The following CDH17 variants were observed in gnomAD, a reference collection of about 807,000 sequenced individuals.
CDH17 encodes the protein cadherin 17.
Under a neutral mutation model 86.3 loss-of-function variants are expected in CDH17, and 67 were observed. The observed-to-expected ratio is 0.78, with a 90% CI of 0.64 to 0.95. The LOEUF is 0.95. Ranked by LOEUF, CDH17 falls within the 40% of genes least tolerant of loss-of-function variation. The pLI, the probability that CDH17 is intolerant of heterozygous loss-of-function variation, is 0.00. For missense variants in CDH17, 993 were observed against 1,017.6 expected, an observed-to-expected ratio of 0.98 and a Z score of 0.33; for synonymous variants, 367 against 366.4, an observed-to-expected ratio of 1.00 and a Z score of -0.02.
At chr8:94,207,858 C>T (rs77623247) in intron 1 of CDH17, among the ~76,000 whole-genome samples, 2 of 152,200 alleles carry the variant, frequency 1.3e-5, no homozygotes, top group African/African-American at 2.4e-5. Context: ...GTAACTCCAC[C>T]ACCAAGGCCA....
chr8:94,199,944 A>C (rs1221268231), intron 1 of CDH17, among the ~76,000 whole-genome samples: 2 of 152,170 alleles, frequency 1.3e-5, no homozygotes, highest in African/African-American at 2.4e-5. Flanking sequence ...TCATTTTGCC[A>C]CTCACGTTTG....
chr8:94,150,838 T>C (rs1812842421), intron 13 of CDH17, among the ~76,000 whole-genome samples: 1 of 152,214 alleles, frequency 6.6e-6, no homozygotes, highest in Non-Finnish European at 1.5e-5. Flanking sequence ...ACATTTTGTG[T>C]CTTCTCATAA....
At chr8:94,173,717 G>T in intron 7 of CDH17, 80 bp downstream of exon 7, 2 of 1,016,718 alleles carry the variant, frequency 2.0e-6, no homozygotes. Flanking sequence ...GTGTATCAGT[G>T]AAGACTGTGA....
chr8:94,147,357 CT>C (rs1168999867), intron 14 of CDH17, among the ~76,000 whole-genome samples: 1 of 152,182 alleles, frequency 6.6e-6, no homozygotes, highest in African/African-American at 2.4e-5. Context: ...GCATTCTACC[CT>C]TTTTGGTTTG....
chr8:94,179,600 G>A lies in CDH17; in HGVS notation c.151-1879C>T, dbSNP rs574493088. Among the ~76,000 whole-genome samples the A allele has an allele frequency of 1.1e-4, 16 of 152,334 alleles. 1 individual carries two copies. The East Asian group carries it at 1.2e-3, about 11-fold the overall frequency. ...CTCTGCATAAGCAGAAAGTGAAGGC[G>A]AAGGCAGAGTTGTAAACTGCCTGCC... On this transcript the variant is annotated intron_variant, in intron 3 of 17. Transcript: ENST00000027335.
Position 94,176,572 on chromosome 8 carries a change from G to T in CDH17, c.393C>A (p.Tyr131Ter). The change falls in exon 5 of 18, where the codon TAC becomes TAA. Residue 131 changes from tyrosine to a stop codon, truncating the protein, a stop_gained. Transcript: ENST00000027335. LOFTEE classifies it high-confidence loss of function. ...DNRPTFLQSKYEGSVRQNSRP... is the reference protein window; with the variant it reads ...DNRPTFLQSK ...GAGAGTTCTGCCTTACTGAGCCTTC[G>T]TACTTTGACTGGAGAAACGTGGGTC... 1 of 1,613,758 alleles carries T rather than the reference G, an allele frequency of 6.2e-7. No individual in the cohort carries two copies. The highest frequency in any genetic ancestry group is 8.5e-7 in the Non-Finnish European group (1 of 1,179,770).
intron 17 of CDH17, among the ~76,000 whole-genome samples, chr8:94,129,349 A>G (rs745405163): frequency 8.5e-5 from 13 of 152,144 alleles, no homozygotes; most frequent in Non-Finnish European, 1.5e-4. Flanking sequence ...AGTGGTTCTC[A>G]GGGAGGAAAG....
At chr8:94,206,358 T>G (rs967572080) in intron 1 of CDH17, among the ~76,000 whole-genome samples, 11 of 152,218 alleles carry the variant, frequency 7.2e-5, no homozygotes, top group African/African-American at 2.4e-4. Flanking sequence ...CAACGAGCAG[T>G]TACAGAACAA....
chr8:94,215,868 T>G (rs1270431229), intron 1 of CDH17, among the ~76,000 whole-genome samples: 4 of 151,936 alleles, frequency 2.6e-5, no homozygotes, highest in Non-Finnish European at 4.4e-5. Context: ...ACGAGGTTTT[T>G]TTTTTTTTTT....
At chr8:94,134,449 GT>G (rs1414688144) in intron 15 of CDH17, among the ~76,000 whole-genome samples, 1 of 152,176 alleles carries the variant, frequency 6.6e-6, no homozygotes, top group Non-Finnish European at 1.5e-5. Context: ...GTGTAGAGGT[GT>G]TTATAGTATT....
chr8:94,215,942 C>T (rs1045282528), intron 1 of CDH17, among the ~76,000 whole-genome samples: 2 of 148,628 alleles, frequency 1.3e-5, no homozygotes, highest in African/African-American at 5.0e-5. Context: ...TGAATAAGAA[C>T]ATTTCAGTAC....
chr8:94,142,626 G>A (rs867624999), intron 15 of CDH17, among the ~76,000 whole-genome samples: 36 of 150,426 alleles, frequency 2.4e-4, no homozygotes, highest in Middle Eastern at 3.4e-3. Flanking sequence ...ATTGGAGTAA[G>A]TCTTCTCAAA....
At chr8:94,154,410 T>C (rs1228297075) in intron 12 of CDH17, among the ~76,000 whole-genome samples, 1 of 152,178 alleles carries the variant, frequency 6.6e-6, no homozygotes, top group Non-Finnish European at 1.5e-5. Flanking sequence ...AATGCTTACA[T>C]AGAGATTTCC....
intron 1 of CDH17, among the ~76,000 whole-genome samples, chr8:94,199,091 T>C (rs1383110727): frequency 1.0e-4 from 13 of 130,568 alleles, no homozygotes; most frequent in East Asian, 2.1e-4. Flanking sequence ...ATATTTTTTT[T>C]TTTTTATCAT....
At chr8:94,185,065 A>T (rs1021479687) in intron 3 of CDH17, among the ~76,000 whole-genome samples, 4 of 152,150 alleles carry the variant, frequency 2.6e-5, no homozygotes, top group African/African-American at 4.8e-5. Flanking sequence ...AGAGAGCAAA[A>T]TGTGCTTGAC....
chr8:94,144,059 G>T (rs979193241), intron 15 of CDH17, among the ~76,000 whole-genome samples: 1 of 152,100 alleles, frequency 6.6e-6, no homozygotes, highest in Non-Finnish European at 1.5e-5. Context: ...GCTAAATCAC[G>T]TCTAACTTTT....
chr8:94,160,058 C>T lies in CDH17; in HGVS notation c.1464G>A (p.Leu488=), dbSNP rs1391951255. The T allele has an allele frequency of 2.5e-6, 4 of 1,613,838 alleles. No homozygotes were observed. Among genetic ancestry groups the T allele is most frequent in the Non-Finnish European group, 3.4e-6 (4 of 1,179,876 alleles). Residue 488 remains leucine, a synonymous_variant, in exon 12 of 18, where the codon CTG becomes CTA. Coordinates refer to ENST00000027335, the MANE Select transcript of CDH17 (RefSeq NM_004063.4). ...CACTGTCTCCCTTTATGATATGATA[C>T]AGAATTTTAGAACTCCCAGTAAATG... ...DEPFTGSSKI[L]YHIIKGDSEG... is the part of the protein sequence containing the mutation.
At chr8:94,210,145 A>G (rs1457403704), upstream of CDH17, among the ~76,000 whole-genome samples, 1 of 145,250 alleles carries the variant, frequency 6.9e-6, no homozygotes, top group Non-Finnish European at 1.5e-5. Context: ...CGGGACTGCA[A>G]CCCTGTTCTG....
chr8:94,183,508 C>A (rs1328817348), intron 3 of CDH17, among the ~76,000 whole-genome samples: 1 of 151,888 alleles, frequency 6.6e-6, no homozygotes, highest in Non-Finnish European at 1.5e-5. Context: ...AACTGGATAT[C>A]CACATGCAAA....
Sources: allele counts gnomAD v4.1 joint callset (sites outside exome capture counted in the v4.1 genomes callset), GRCh38; gene constraint gnomAD v4.1.1; transcripts MANE v1.5; gene names NCBI Gene and HGNC (gene_info 2026-07-23, HGNC 2026-07-21).